The following TSPEAR variants were observed in gnomAD, a reference collection of about 807,000 sequenced individuals.
TSPEAR encodes thrombospondin-type laminin G domain and EAR repeat-containing protein.
TSPEAR carries 69 observed loss-of-function variants against 71.6 expected under a neutral mutation model. The ratio of observed to expected loss-of-function variants is 0.96; its 90% CI spans 0.79 to 1.18. The LOEUF (loss-of-function observed/expected upper bound fraction) is 1.18. Among genes scored for constraint, TSPEAR ranks in the 50% most tolerant of loss-of-function variants. The probability of loss-of-function intolerance (pLI) is 0.00; values close to 1 mark genes in which losing one functional copy is unlikely to be tolerated. For missense variants in TSPEAR, 971 were observed against 894.9 expected (o/e 1.09, Z -1.09); for synonymous variants, 402 against 387.2 (o/e 1.04, Z -0.45).
At chr21:44,558,538 C>T in intron 2 of TSPEAR, 1 of 1,613,376 alleles carries the variant, frequency 6.2e-7, no homozygotes. Context: ...TCACAGGCCG[C>T]CTGGCAGCAG....
intron 1 of TSPEAR, among the ~76,000 whole-genome samples, chr21:44,583,270 G>A (rs1437929414): frequency 6.6e-6 from 1 of 152,348 alleles, no homozygotes; most frequent in East Asian, 1.9e-4. Context: ...GGGCAGGGTG[G>A]CCCACGGCCG....
At position 44,711,479 on chromosome 21, in the gene TSPEAR, G is replaced by T; in HGVS notation, c.36C>A (p.Pro12=). 6.2e-7 allele frequency: 1 copy of T among 1,612,028 alleles called. No individual in the cohort carries two copies. Among genetic ancestry groups the T allele is most frequent in the South Asian group, 1.1e-5 (1 of 90,814 alleles). ...GCGTGCCGTGGCCGGGGGCCGCCAG[G>T]GGCAGCACAAAACACAGACTCAGCA... ...SALLSLCFVL[P]LAAPGHGTQG... is the part of the protein sequence containing the mutation. Residue 12 remains proline, a synonymous_variant, in exon 1 of 12, where the codon CCC becomes CCA. Coordinates refer to ENST00000323084, the MANE Select transcript of TSPEAR (RefSeq NM_144991.3). The surrounding 1 kb of genome is among the most constrained non-coding windows in gnomAD (Gnocchi z 4.5).
At position 44,529,892 on chromosome 21, in the gene TSPEAR, G is replaced by A. The variant is rs1555915515; in HGVS notation, c.696C>T (p.Ser232=). ...ACAGCACCGCCAGCGGGGCGTTCCT[G>A]CTGGGACACAGCCTTGGGGTGGCGT... ...GSDATPRLCP[S]RNAPLAVLSI... Residue 232 remains serine (S), a synonymous_variant, in exon 5 of 12, where the codon AGC becomes AGT. Coordinates refer to ENST00000323084, the MANE Select transcript of TSPEAR (RefSeq NM_144991.3). 2 of 1,612,986 alleles carry A rather than the reference G, an allele frequency of 1.2e-6. No homozygotes were observed. The highest frequency in any genetic ancestry group is 2.2e-5 in the East Asian group (1 of 44,900).
rs1555931154 is a variant in TSPEAR at position 44,612,219 on chromosome 21, C to T, written c.83-44214G>A. The T allele has an allele frequency of 1.9e-6, 3 of 1,613,844 alleles. No individual in the cohort carries two copies. The highest frequency in any genetic ancestry group is 1.3e-5 in the African/African-American group (1 of 74,918). ...TCCCCCAGCACCTGCACTGGCTCCT[C>T]CTGGCAGGTGGACAATTGCCAGGAA... On this transcript the variant is annotated intron_variant, in intron 1 of 11. Transcript: ENST00000323084. The surrounding 1 kb of genome is among the most constrained non-coding windows in gnomAD (Gnocchi z 4.1).
intron 9 of TSPEAR, among the ~76,000 whole-genome samples, chr21:44,511,273 C>G (rs983232077): frequency 6.7e-6 from 1 of 149,842 alleles, no homozygotes; most frequent in African/African-American, 2.4e-5. Flanking sequence ...TGTATGCATA[C>G]ATACACAAAC....
In TSPEAR at chr21:44,642,671, G is replaced by A. The variant is rs898364638; in HGVS notation, c.82+68762C>T. Reference sequence around the variant, plus strand: ...ATCCTGGCTAACACGGTGAAACCCCGTCTCTACTAAAAATACAAAAATTGG... The same window carrying A: ...ATCCTGGCTAACACGGTGAAACCCCATCTCTACTAAAAATACAAAAATTGG... On this transcript the variant is annotated intron_variant, in intron 1 of 11. Coordinates refer to ENST00000323084, the MANE Select transcript of TSPEAR (RefSeq NM_144991.3). The surrounding 1 kb of genome is among the most constrained non-coding windows in gnomAD (Gnocchi z 4.1). 3.3e-5 allele frequency among the ~76,000 whole-genome samples: 5 copies of A among 152,102 alleles called. No homozygotes were observed. Among genetic ancestry groups the A allele is most frequent in the Admixed American group, 6.5e-5 (1 of 15,280 alleles).
chr21:44,511,639 C>T (rs181185365), intron 9 of TSPEAR, among the ~76,000 whole-genome samples: 4 of 152,376 alleles, frequency 2.6e-5, no homozygotes, highest in Non-Finnish European at 4.4e-5. Context: ...CACAGCTCTC[C>T]CCACATTGCT....
chr21:44,632,717 C>T (rs1555935935), intron 1 of TSPEAR, among the ~76,000 whole-genome samples: 1 of 152,114 alleles, frequency 6.6e-6, no homozygotes, highest in African/African-American at 2.4e-5. Context: ...GTGGTGGGCA[C>T]CTGTAATCCC....
chr21:44,518,653 C>T (rs782009699), intron 9 of TSPEAR: 1 of 470,796 alleles, frequency 2.1e-6, no homozygotes. Flanking sequence ...TCTCAAGACC[C>T]CCTGGAGGCC....
intron 1 of TSPEAR, among the ~76,000 whole-genome samples, chr21:44,661,069 A>T (rs1985460552): frequency 6.6e-6 from 1 of 152,160 alleles, no homozygotes; most frequent in Non-Finnish European, 1.5e-5. Context: ...AGGCAAGCAG[A>T]TCGAGACCAT....
At chr21:44,512,416 T>A (rs2052416864) in intron 9 of TSPEAR, among the ~76,000 whole-genome samples, 1 of 151,750 alleles carries the variant, frequency 6.6e-6, no homozygotes, top group Admixed American at 6.5e-5. Flanking sequence ...TGGAGACCCC[T>A]CAGAGAACTC....
intron 1 of TSPEAR, chr21:44,676,869 G>A: frequency 1.1e-6 from 1 of 924,750 alleles, no homozygotes; most frequent in Non-Finnish European, 1.8e-6. Flanking sequence ...GCTTTTCTGT[G>A]GCCTTCTGTT....
chr21:44,628,293 T>C (rs1449944443), intron 1 of TSPEAR: 2 of 389,698 alleles, frequency 5.1e-6, no homozygotes, highest in South Asian at 3.0e-5. Flanking sequence ...TGGTCGCTGG[T>C]TGGGGACGGG....
rs114634384 is a variant in TSPEAR, at chr21:44,686,014, C to G, written c.82+25419G>C. ...CAATATGGAGCCCAGTAGCTTGGCTCTCATTACTTGGGAAGACCCTGATGA... is the reference window on the plus strand; with the variant it reads ...CAATATGGAGCCCAGTAGCTTGGCTGTCATTACTTGGGAAGACCCTGATGA... On this transcript the variant is annotated intron_variant, in intron 1 of 11. Transcript: ENST00000323084. Among the ~76,000 whole-genome samples the G allele has an allele frequency of 5.2e-3, 785 of 152,304 alleles. 8 individuals are homozygous for G. Among genetic ancestry groups the G allele is most frequent in the African/African-American group, 0.018 (737 of 41,556 alleles).
At chr21:44,518,435 G>T (rs759770030) in intron 9 of TSPEAR, 1 of 391,704 alleles carries the variant, frequency 2.6e-6, no homozygotes, top group South Asian at 1.9e-5. Flanking sequence ...TTAGGATCAC[G>T]GTGTTGGTAG....
chr21:44,540,484 G>A (rs781819634), intron 2 of TSPEAR, among the ~76,000 whole-genome samples: 21 of 152,190 alleles, frequency 1.4e-4, no homozygotes, highest in Non-Finnish European at 2.6e-4. Flanking sequence ...TGCAGTCCGG[G>A]TTGTAAGAAG....
At chr21:44,647,426 T>C (rs1984507871) in intron 1 of TSPEAR, 1 of 1,538,534 alleles carries the variant, frequency 6.5e-7, no homozygotes, top group East Asian at 2.3e-5. Flanking sequence ...CAGGAGCCCC[T>C]GGAGTCCTCA....
At chr21:44,677,557 A>C in intron 1 of TSPEAR, 1 of 879,946 alleles carries the variant, frequency 1.1e-6, no homozygotes, top group Non-Finnish European at 1.9e-6. Context: ...GAAGATGAGG[A>C]TGCTTCTTCT....
At chr21:44,629,289 A>T (rs1555935289) in intron 1 of TSPEAR, among the ~76,000 whole-genome samples, 1 of 152,180 alleles carries the variant, frequency 6.6e-6, no homozygotes, top group African/African-American at 2.4e-5. Flanking sequence ...AAGTCCACGG[A>T]CTGGGGGCTC....
Sources: allele counts gnomAD v4.1 joint callset (sites outside exome capture counted in the v4.1 genomes callset), GRCh38; gene constraint gnomAD v4.1.1; non-coding constraint Gnocchi (gnomAD v3.1); transcripts MANE v1.5; gene names NCBI Gene and HGNC (gene_info 2026-07-23, HGNC 2026-07-21).